The following IFT74 variants were observed in gnomAD, a reference collection of about 807,000 sequenced individuals.
IFT74 encodes intraflagellar transport protein 74 homolog.
IFT74 carries 92 observed loss-of-function variants against 96.7 expected under a neutral mutation model. That is an observed-to-expected ratio of 0.95 (90% CI 0.80 to 1.13). The LOEUF (loss-of-function observed/expected upper bound fraction) is 1.13. Ranked by LOEUF, IFT74 falls within the 50% of genes most tolerant of loss-of-function variation. IFT74 has a pLI of 0.00. For synonymous variants in IFT74, 223 were observed against 213.2 expected (o/e 1.05, Z -0.40); for missense variants, 811 against 698.2 (o/e 1.16, Z -1.82).
At chr9:26,970,124 C>A (rs1436766476) in intron 2 of IFT74, among the ~76,000 whole-genome samples, 1 of 151,902 alleles carries the variant, frequency 6.6e-6, no homozygotes, top group African/African-American at 2.4e-5. Context: ...TTTTAAAATT[C>A]TTTCCTTCGC....
rs1827532849 is a variant in IFT74 at position 26,984,297 on chromosome 9, C to T, written c.346C>T (p.Gln116Ter). The T allele has an allele frequency of 6.3e-7, 1 of 1,576,156 alleles. No homozygotes were observed. The highest frequency in any genetic ancestry group is 1.4e-5 in the African/African-American group (1 of 73,104). Reference protein sequence around the residue: ...SELTTEVNKLQKGIEMYNQEN... With the variant: ...SELTTEVNKL ...ACTTACAACTGAAGTTAATAAACTT[C>T]AGAAGGGAATAGAAATGTACAATCA... Residue 116 changes from glutamine (Q) to a stop codon, truncating the protein, a stop_gained, in exon 5 of 20, where the codon CAG becomes TAG. Transcript: ENST00000380062. LOFTEE classifies it high-confidence loss of function.
At chr9:27,040,184 G>A (rs1380776839) in intron 13 of IFT74, among the ~76,000 whole-genome samples, 1 of 152,104 alleles carries the variant, frequency 6.6e-6, no homozygotes, top group African/African-American at 2.4e-5. Flanking sequence ...ATGTTAAAAG[G>A]GTTAGAGAAA....
At chr9:27,044,816 T>C (rs2131679949) in intron 14 of IFT74, 21 bp downstream of exon 14, 3 of 1,345,630 alleles carry the variant, frequency 2.2e-6, no homozygotes, top group East Asian at 4.7e-5. Context: ...TTCTTGTAGA[T>C]ATAAAAATAT....
At chr9:27,008,407 G>A (rs968107328) in intron 8 of IFT74, among the ~76,000 whole-genome samples, 1 of 151,600 alleles carries the variant, frequency 6.6e-6, no homozygotes, top group Non-Finnish European at 1.5e-5. Flanking sequence ...GCCCAGGCTA[G>A]AGTGAAGTGG....
intron 19 of IFT74, 59 bp downstream of exon 19, chr9:27,060,710 A>AAGTGTTGG: frequency 7.9e-7 from 1 of 1,266,330 alleles, no homozygotes; most frequent in Non-Finnish European, 1.1e-6. Context: ...TATAGTCCCA[A>AAGTGTTGG]CACTTTGGGA....
chr9:27,002,776 C>A (rs939441684), intron 8 of IFT74, among the ~76,000 whole-genome samples: 5 of 152,038 alleles, frequency 3.3e-5, no homozygotes, highest in Admixed American at 3.3e-4. Context: ...TATTTGGGAT[C>A]TTTTATGGTT....
At chr9:26,947,162 A>G in intron 1 of IFT74, 3 of 1,222,276 alleles carry the variant, frequency 2.5e-6, no homozygotes, top group Non-Finnish European at 3.2e-6. Flanking sequence ...GGGCGGCCGG[A>G]GACCGGAAGA....
At chr9:26,991,484 T>C (rs901872745) in intron 8 of IFT74, among the ~76,000 whole-genome samples, 1 of 152,154 alleles carries the variant, frequency 6.6e-6, no homozygotes, top group Admixed American at 6.6e-5. Flanking sequence ...CCTCCTCAAG[T>C]GTTGGGATTA....
chr9:27,022,241 T>C lies in IFT74; in HGVS notation c.974+3554T>C, dbSNP rs544411507. Among the ~76,000 whole-genome samples the C allele has an allele frequency of 3.9e-4, 59 of 152,330 alleles. 1 individual carries two copies. The South Asian group carries it at 6.0e-3, about 16-fold the overall frequency. Reference sequence around the variant, plus strand: ...TGTTTTGGTGACCTCATAGTCCTTATAGTGTAGTTTGAAGTTGGTTAATGT... The same window carrying C: ...TGTTTTGGTGACCTCATAGTCCTTACAGTGTAGTTTGAAGTTGGTTAATGT... On this transcript the variant is annotated intron_variant, in intron 12 of 19. Transcript: ENST00000380062.
At chr9:27,009,959 T>G (rs1024578766) in intron 9 of IFT74, among the ~76,000 whole-genome samples, 2 of 152,098 alleles carry the variant, frequency 1.3e-5, no homozygotes, top group African/African-American at 4.8e-5. Context: ...GCATTTTTTT[T>G]GTGCTGGAAA....
chr9:27,002,026 G>A (rs554897133), intron 8 of IFT74, among the ~76,000 whole-genome samples: 1 of 152,128 alleles, frequency 6.6e-6, no homozygotes, highest in Admixed American at 6.5e-5. Context: ...GGGTCCTCAG[G>A]AAACTTACAA....
intron 8 of IFT74, among the ~76,000 whole-genome samples, chr9:27,007,268 T>C (rs1216531826): frequency 6.6e-6 from 1 of 152,224 alleles, no homozygotes; most frequent in African/African-American, 2.4e-5. Flanking sequence ...GTTACTTTTC[T>C]TATGCTGTAA....
chr9:27,029,258 G>A (rs1468869969), intron 13 of IFT74, among the ~76,000 whole-genome samples, 154 bp downstream of exon 13: 1 of 151,620 alleles, frequency 6.6e-6, no homozygotes, highest in African/African-American at 2.4e-5. Context: ...TACTGTATGA[G>A]TAATATTAAA....
At chr9:26,962,129 G>T (rs560668969) in intron 2 of IFT74, 42 bp downstream of exon 2, 10 of 1,605,342 alleles carry the variant, frequency 6.2e-6, no homozygotes, top group Non-Finnish European at 8.5e-6. Context: ...AGGCCAAGGT[G>T]GGAGGACCAC....
At chr9:27,045,470 CATA>C (rs1186577987) in intron 14 of IFT74, among the ~76,000 whole-genome samples, 2 of 152,014 alleles carry the variant, frequency 1.3e-5, no homozygotes, top group African/African-American at 4.8e-5. Flanking sequence ...TTTAGCTTTC[CATA>C]ATACTTATCT....
chr9:27,005,528 A>G (rs1828730545), intron 8 of IFT74: 1 of 151,688 alleles, frequency 6.6e-6, no homozygotes. Context: ...TACAGACTTA[A>G]CAAACTTAAA....
chr9:27,034,562 C>T (rs1028892520), intron 13 of IFT74, among the ~76,000 whole-genome samples: 1 of 152,064 alleles, frequency 6.6e-6, no homozygotes, highest in African/African-American at 2.4e-5. Flanking sequence ...GAGTTTTTCT[C>T]TTGTGGCCCA....
At chr9:27,034,188 T>C (rs1439383153) in intron 13 of IFT74, among the ~76,000 whole-genome samples, 1 of 152,212 alleles carries the variant, frequency 6.6e-6, no homozygotes, top group Non-Finnish European at 1.5e-5. Flanking sequence ...GTGGAGTTGA[T>C]TGTAAAACCA....
chr9:27,057,336 C>G (rs774631915), intron 18 of IFT74, among the ~76,000 whole-genome samples: 2 of 152,134 alleles, frequency 1.3e-5, no homozygotes, highest in Non-Finnish European at 2.9e-5. Flanking sequence ...ATTGAGAGCT[C>G]TGACGGGACA....
Sources: gnomAD v4.1 joint callset for allele counts (sites outside exome capture counted in the v4.1 genomes callset) on GRCh38, gnomAD v4.1.1 for gene constraint, MANE v1.5 for transcripts, NCBI Gene and HGNC (gene_info 2026-07-23, HGNC 2026-07-21) for gene names.